Variants in EIF3B observed in about 807,000 individuals in gnomAD.
EIF3B encodes eukaryotic translation initiation factor 3 subunit 9.
In EIF3B, 10 loss-of-function variants were observed where a neutral mutation model predicts 104.6. That is an observed-to-expected ratio of 0.10 (90% CI 0.06 to 0.16). EIF3B has a LOEUF of 0.16. Ranked by LOEUF, EIF3B falls within the 10% of genes least tolerant of loss-of-function variation. EIF3B has a pLI of 1.00. For missense variants in EIF3B, 1,014 were observed against 1,087.9 expected, an observed-to-expected ratio of 0.93 and a Z score of 0.96; for synonymous variants, 542 against 417.2, an observed-to-expected ratio of 1.30 and a Z score of -3.65.
intron 2 of EIF3B, 46 bp from the exon 3 acceptor site, chr7:2,362,599 C>G (rs201852385): frequency 5.6e-6 from 9 of 1,611,678 alleles, no homozygotes; most frequent in Non-Finnish European, 7.6e-6. Context: ...GCATACCTGC[C>G]TAGCCTTACA....
rs185745956 is a variant in EIF3B, at chr7:2,367,060, C to T, written c.1403+15C>T. 192 of 1,598,914 alleles carry T rather than the reference C, an allele frequency of 1.2e-4. No individual in the cohort carries two copies. In the African/African-American group the frequency reaches 2.3e-3, roughly 19 times the overall value. On this transcript the variant is annotated intron_variant, in intron 9 of 18. Coordinates refer to ENST00000360876, the MANE Select transcript of EIF3B (RefSeq NM_001037283.2). The stretch of plus-strand genomic sequence containing the variant: ...TCTGGGATAAAGTGAGTATTCTTAT[C>T]AGTTTGGTGTCTTAGTGTGTTCAGG...
chr7:2,361,708 C>T (rs1040826372), intron 2 of EIF3B, among the ~76,000 whole-genome samples: 5 of 152,044 alleles, frequency 3.3e-5, no homozygotes, highest in South Asian at 2.1e-4. Context: ...CCTGAGCCAC[C>T]GCGCCCGGCC....
Position 2,354,874 on chromosome 7 carries a change from C to A in EIF3B, c.-48C>A, listed in dbSNP as rs570441154. ...GGCGCGCGGTGCGGCCTGGGAGAGT[C>A]GGAAGCGCGGCGGCCGCGGAGCCCT... On this transcript the variant is annotated 5_prime_UTR_variant, in exon 1 of 19. Transcript: ENST00000360876. The A allele has an allele frequency of 5.3e-6, 6 of 1,128,076 alleles. No homozygotes were observed. The highest frequency in any genetic ancestry group is 7.2e-5 in the South Asian group (2 of 27,818). The allele number at this position is 1,128,076 out of a possible 1,614,324, so 69.9% of individuals were successfully genotyped here.
chr7:2,372,201 G>C, intron 11 of EIF3B: 1 of 255,174 alleles, frequency 3.9e-6, no homozygotes, highest in Non-Finnish European at 7.6e-6. Flanking sequence ...GCAAGACCCT[G>C]TCTAAAAAAA....
chr7:2,375,161 T>G, intron 13 of EIF3B: 1 of 535,612 alleles, frequency 1.9e-6, no homozygotes, highest in South Asian at 2.7e-5. Flanking sequence ...TCAGATAACA[T>G]TTCCAGTAAA....
intron 2 of EIF3B, 115 bp from the exon 3 acceptor site, chr7:2,362,530 G>A (rs920812646): frequency 7.5e-7 from 1 of 1,334,468 alleles, no homozygotes; most frequent in Non-Finnish European, 1.0e-6. Context: ...GGCAGGAAGA[G>A]CAGCACAGAT....
chr7:2,368,442 G>T (rs369174337), intron 9 of EIF3B, among the ~76,000 whole-genome samples: 1 of 152,186 alleles, frequency 6.6e-6, no homozygotes, highest in Non-Finnish European at 1.5e-5. Context: ...GAGCCACCGC[G>T]CCCGGCCTAA....
chr7:2,374,249 T>G, intron 12 of EIF3B: 1 of 335,992 alleles, frequency 3.0e-6, no homozygotes, highest in South Asian at 5.4e-5. Context: ...CAGTGAACAT[T>G]TGCTGTAAAG....
chr7:2,367,094 C>T, intron 9 of EIF3B, 49 bp downstream of exon 9: 4 of 1,095,494 alleles, frequency 3.7e-6, no homozygotes, highest in Admixed American at 2.7e-5. Context: ...GGCTGCTTAA[C>T]ACAATACCAA....
At chr7:2,372,588 G>A (rs1780413633) in intron 11 of EIF3B, 85 bp from the exon 12 acceptor site, 1 of 1,495,508 alleles carries the variant, frequency 6.7e-7, no homozygotes, top group Admixed American at 2.1e-5. Context: ...ATTTCTCTGT[G>A]GTTGAATAGT....
At chr7:2,363,542 T>C (rs1779854018) in intron 4 of EIF3B, 90 bp from the exon 5 acceptor site, 5 of 1,208,102 alleles carry the variant, frequency 4.1e-6, no homozygotes, top group Non-Finnish European at 5.8e-6. Context: ...AGATGTGGAC[T>C]GAACTTGTCA....
At chr7:2,361,389 G>A (rs1026784049) in intron 2 of EIF3B, among the ~76,000 whole-genome samples, 2 of 152,136 alleles carry the variant, frequency 1.3e-5, no homozygotes, top group African/African-American at 4.8e-5. Flanking sequence ...TCAGTTACTC[G>A]TGTTATAATG....
chr7:2,363,038 C>T (rs776616788), intron 3 of EIF3B, 32 bp from the exon 4 acceptor site: 62 of 1,611,608 alleles, frequency 3.8e-5, no homozygotes, highest in Non-Finnish European at 4.8e-5. Flanking sequence ...GTCGTCAGGG[C>T]GTGGGGCTCA....
chr7:2,364,554 G>C (rs762224175), intron 6 of EIF3B, 25 bp downstream of exon 6: 22 of 1,600,668 alleles, frequency 1.4e-5, no homozygotes, highest in Non-Finnish European at 1.8e-5. Context: ...AAACACAGGG[G>C]AGTCTATGCA....
intron 6 of EIF3B, among the ~76,000 whole-genome samples, chr7:2,365,184 C>G (rs944977364): frequency 3.9e-5 from 6 of 152,368 alleles, no homozygotes; most frequent in Non-Finnish European, 8.8e-5. Flanking sequence ...CCCCTGGGCT[C>G]AAGTGATCTC....
At chr7:2,376,909 C>T (rs770154168) in intron 14 of EIF3B, 41 bp from the exon 15 acceptor site, 2 of 1,590,938 alleles carry the variant, frequency 1.3e-6, no homozygotes, top group African/African-American at 2.7e-5. Context: ...TTGTGGCTCT[C>T]TGACCCCTCT....
At position 2,380,656 on chromosome 7, in the gene EIF3B, G is replaced by A. The variant is rs2301945; in HGVS notation, c.*467G>A. 428 of 231,104 alleles carry A rather than the reference G, an allele frequency of 1.9e-3. 14 individuals are homozygous for A. In the East Asian group the frequency reaches 0.051, roughly 28 times the overall value. The allele number at this position is 231,104 out of a possible 1,614,324, so 14.3% of individuals were successfully genotyped here. ...TGTCCCGGAGACCCACCGGGAGGGCGCCGCCATGCCTTGTACCCCCACCGT... is the reference window on the plus strand; with the variant it reads ...TGTCCCGGAGACCCACCGGGAGGGCACCGCCATGCCTTGTACCCCCACCGT... On this transcript the variant is annotated 3_prime_UTR_variant, in exon 19 of 19. Coordinates refer to ENST00000360876, the MANE Select transcript of EIF3B (RefSeq NM_001037283.2).
rs1358698977 is a variant in EIF3B at position 2,355,480 on chromosome 7, G to A, written c.499+60G>A. On this transcript the variant is annotated intron_variant, in intron 1 of 18. Transcript: ENST00000360876. The stretch of plus-strand genomic sequence containing the variant: ...CGGGAGCGTGGCTGGGGTTCCCGAG[G>A]TGGGAGATATCGTCGGGCTGTGCCA... 59 of 1,397,602 alleles carry A rather than the reference G, an allele frequency of 4.2e-5. 1 individual carries two copies. The highest frequency in any genetic ancestry group is 2.1e-4 in the Middle Eastern group (1 of 4,704). The allele number at this position is 1,397,602 out of a possible 1,614,324, so 86.6% of individuals were successfully genotyped here. A position where few individuals can be genotyped will look rare whatever the true frequency, so the allele number is the denominator to read the frequency against.
chr7:2,376,652 A>G (rs1780648072), intron 14 of EIF3B: 1 of 351,556 alleles, frequency 2.8e-6, no homozygotes, highest in Non-Finnish European at 5.2e-6. Flanking sequence ...TCAGCGGCGC[A>G]GTAGTGAGGC....
Sources: gnomAD v4.1 joint callset for allele counts (sites outside exome capture counted in the v4.1 genomes callset) on GRCh38, gnomAD v4.1.1 for gene constraint, MANE v1.5 for transcripts, NCBI Gene and HGNC (gene_info 2026-07-23, HGNC 2026-07-21) for gene names.